The following SPAG16 variants were observed in gnomAD, a reference collection of about 807,000 sequenced individuals.
SPAG16 encodes sperm associated antigen 16.
In SPAG16, 86 loss-of-function variants were observed where a neutral mutation model predicts 80.4. The observed-to-expected ratio is 1.07, with a 90% CI of 0.90 to 1.28. The LOEUF (loss-of-function observed/expected upper bound fraction) is 1.28. SPAG16 is among the 50% of genes most tolerant of loss of function. SPAG16 has a pLI of 0.00. For missense variants in SPAG16, 870 were observed against 765.3 expected (o/e 1.14, Z -1.61); for synonymous variants, 294 against 265.9 (o/e 1.11, Z -1.03).
At chr2:214,360,840 C>T (rs1047252913) in intron 15 of SPAG16, among the ~76,000 whole-genome samples, 3 of 151,672 alleles carry the variant, frequency 2.0e-5, no homozygotes, top group African/African-American at 7.3e-5. Context: ...CTCAAATAAG[C>T]GTCAATGGTT....
At chr2:213,394,940 A>C (rs1479382413) in intron 9 of SPAG16, among the ~76,000 whole-genome samples, 1 of 152,130 alleles carries the variant, frequency 6.6e-6, no homozygotes, top group Non-Finnish European at 1.5e-5. Flanking sequence ...ATCTCACTTT[A>C]CTTGAGTTTT....
intron 15 of SPAG16, among the ~76,000 whole-genome samples, chr2:214,274,758 C>A (rs778044412): frequency 1.3e-5 from 2 of 152,066 alleles, no homozygotes; most frequent in African/African-American, 2.4e-5. Context: ...CTAAAATTCT[C>A]TTTTTTGTTG....
At chr2:214,306,647 T>G (rs1694934583) in intron 15 of SPAG16, among the ~76,000 whole-genome samples, 1 of 152,150 alleles carries the variant, frequency 6.6e-6, no homozygotes, top group South Asian at 2.1e-4. Flanking sequence ...AGTTTTTGTC[T>G]TTAGTTCTGT....
intron 15 of SPAG16, among the ~76,000 whole-genome samples, chr2:214,177,188 A>T (rs2057120113): frequency 6.6e-6 from 1 of 151,160 alleles, no homozygotes; most frequent in Non-Finnish European, 1.5e-5. Flanking sequence ...TTAGACACCT[A>T]GACCCTATTT....
chr2:214,148,603 T>A (rs1200437018), intron 14 of SPAG16, among the ~76,000 whole-genome samples: 1 of 152,176 alleles, frequency 6.6e-6, no homozygotes, highest in Non-Finnish European at 1.5e-5. Flanking sequence ...GATATTCTTC[T>A]CTCACTGTGT....
intron 11 of SPAG16, among the ~76,000 whole-genome samples, chr2:213,919,065 C>T (rs2078094574): frequency 1.3e-5 from 2 of 151,966 alleles, no homozygotes; most frequent in Admixed American, 1.3e-4. Flanking sequence ...AGCAGTCTCT[C>T]TTATTTACTT....
At position 213,375,115 on chromosome 2, in the gene SPAG16, C is replaced by G; in HGVS notation, c.938C>G (p.Thr313Arg). The G allele has an allele frequency of 6.3e-7, 1 of 1,596,414 alleles. No individual in the cohort carries two copies. The highest frequency in any genetic ancestry group is 8.5e-7 in the Non-Finnish European group (1 of 1,171,756). Residue 313 changes from threonine to arginine, a missense_variant, in exon 9 of 16, where the codon ACA becomes AGA. Transcript: ENST00000331683. ...TGTAAAACAAAGATGAAAGGCAATA[C>G]AAAGGTATGATATTTGTTTTTGTTT... ...NKCKTKMKGN[T>R]KDSEFPIDMQ...
intron 15 of SPAG16, among the ~76,000 whole-genome samples, chr2:214,185,557 A>G (rs563029135): frequency 1.6e-4 from 24 of 152,172 alleles, no homozygotes; most frequent in African/African-American, 3.4e-4. Flanking sequence ...GAGAAATTAC[A>G]AAGAGGTATT....
chr2:213,959,148 A>G (rs781620611), intron 12 of SPAG16, among the ~76,000 whole-genome samples: 20 of 152,186 alleles, frequency 1.3e-4, no homozygotes, highest in Non-Finnish European at 2.9e-4. Context: ...CATCACTTGC[A>G]TGAAACAAGT....
chr2:213,365,174 C>T (rs1345630712), intron 8 of SPAG16: 1 of 152,150 alleles, frequency 6.6e-6, no homozygotes, highest in Non-Finnish European at 1.5e-5. Flanking sequence ...ATCTTTTACC[C>T]ACATTGCCTA....
At chr2:213,321,091 GA>G (rs1480000313) in intron 5 of SPAG16, among the ~76,000 whole-genome samples, 1 of 151,966 alleles carries the variant, frequency 6.6e-6, no homozygotes, top group African/African-American at 2.4e-5. Context: ...AGGCAAAATA[GA>G]ATAGGATATT....
At chr2:213,367,814 G>T (rs143579471) in intron 8 of SPAG16, among the ~76,000 whole-genome samples, 35,497 of 141,972 alleles carry the variant, frequency 0.25, 5,126 homozygotes, top group Middle Eastern at 0.44. Context: ...TGTCAATTTT[G>T]GCTTTTGTTG....
intron 3 of SPAG16, among the ~76,000 whole-genome samples, chr2:213,303,467 C>T (rs1053516329): frequency 1.3e-5 from 2 of 151,696 alleles, no homozygotes; most frequent in Admixed American, 6.6e-5. Flanking sequence ...TAGTCACTCT[C>T]GTGCTATCAA....
At chr2:214,131,822 A>G (rs2054798787) in intron 14 of SPAG16, among the ~76,000 whole-genome samples, 1 of 152,178 alleles carries the variant, frequency 6.6e-6, no homozygotes, top group South Asian at 2.1e-4. Context: ...GGATGAATAG[A>G]CAGGGCATAG....
chr2:214,397,627 T>C (rs1281758802), intron 15 of SPAG16, among the ~76,000 whole-genome samples: 1 of 152,122 alleles, frequency 6.6e-6, no homozygotes, highest in East Asian at 1.9e-4. Context: ...ACATTGGCAG[T>C]CTATTTAACA....
chr2:213,985,920 C>T (rs181240678), intron 12 of SPAG16, among the ~76,000 whole-genome samples: 2 of 152,116 alleles, frequency 1.3e-5, no homozygotes, highest in East Asian at 3.9e-4. Flanking sequence ...AGTGAATTTG[C>T]TATATTCTAT....
rs1266858871 is a variant in SPAG16, at chr2:214,012,256, TTACATATATATATA to T, written c.1401-1692_1401-1679del. Among the ~76,000 whole-genome samples, 101 of 75,444 alleles carry T rather than the reference TTACATATATATATA, an allele frequency of 1.3e-3. 1 individual carries two copies. Among genetic ancestry groups the T allele is most frequent in the African/African-American group, 4.6e-3 (100 of 21,832 alleles). The allele number at this position is 75,444 out of a possible 152,430, so 49.5% of individuals were successfully genotyped here. On this transcript the variant is annotated intron_variant, in intron 12 of 15. Transcript: ENST00000331683. ...TACTTATATATATATATTTTTATAC[TTACATATATATATA>T]TATATATATATATATATATTTTTTT... is the stretch of plus-strand genomic sequence containing the variant.
intron 10 of SPAG16, among the ~76,000 whole-genome samples, chr2:213,527,660 C>T (rs565161601): frequency 4.3e-4 from 66 of 151,792 alleles, no homozygotes; most frequent in African/African-American, 1.5e-3. Context: ...AAAGAAATTG[C>T]GAAAAACAAA....
At chr2:213,854,077 A>G (rs895622570) in intron 10 of SPAG16, among the ~76,000 whole-genome samples, 1 of 152,232 alleles carries the variant, frequency 6.6e-6, no homozygotes, top group African/African-American at 2.4e-5. Flanking sequence ...AACAACCACA[A>G]AATTTCCTTA....
Sources: allele counts gnomAD v4.1 joint callset (sites outside exome capture counted in the v4.1 genomes callset), GRCh38; gene constraint gnomAD v4.1.1; transcripts MANE v1.5; gene names NCBI Gene and HGNC (gene_info 2026-07-23, HGNC 2026-07-21).